The following GABRG3 variants were observed in gnomAD, a reference collection of about 807,000 sequenced individuals.
The protein encoded by GABRG3 is gamma-aminobutyric acid type A receptor subunit gamma3.
In GABRG3, 25 loss-of-function variants were observed where a neutral mutation model predicts 48.8. The observed-to-expected ratio is 0.51, with a 90% CI of 0.37 to 0.72. The LOEUF (loss-of-function observed/expected upper bound fraction) is 0.72, where lower values mean the gene tolerates loss of function less well. Among genes scored for constraint, GABRG3 ranks in the 30% least tolerant of loss-of-function variants. The pLI is 0.00. For missense variants in GABRG3, 394 were observed against 577.9 expected, an observed-to-expected ratio of 0.68 and a Z score of 3.26; for synonymous variants, 227 against 217.6, an observed-to-expected ratio of 1.04 and a Z score of -0.38.
At chr15:27,073,159 A>C (rs979160564) in intron 3 of GABRG3, among the ~76,000 whole-genome samples, 1 of 152,170 alleles carries the variant, frequency 6.6e-6, no homozygotes, top group Non-Finnish European at 1.5e-5. Context: ...CAGAGGCAGA[A>C]TCCTCTCTAG....
At chr15:27,479,400 C>T (rs146812320) in intron 5 of GABRG3, among the ~76,000 whole-genome samples, 2 of 152,252 alleles carry the variant, frequency 1.3e-5, no homozygotes, top group African/African-American at 4.8e-5. Flanking sequence ...GCTGTGTTGA[C>T]AATAATTTCA....
intron 3 of GABRG3, among the ~76,000 whole-genome samples, chr15:27,293,964 C>T (rs138057913): frequency 6.6e-6 from 1 of 152,164 alleles, no homozygotes; most frequent in African/African-American, 2.4e-5. Context: ...TATGTCTGTG[C>T]ATGTGACAAA....
chr15:27,446,237 T>G (rs1888941281), intron 5 of GABRG3, among the ~76,000 whole-genome samples: 1 of 152,224 alleles, frequency 6.6e-6, no homozygotes, highest in African/African-American at 2.4e-5. Context: ...TTGAGTAGTA[T>G]TATCATCTTA....
At chr15:27,512,174 T>C (rs1444836282) in intron 6 of GABRG3, among the ~76,000 whole-genome samples, 1 of 152,204 alleles carries the variant, frequency 6.6e-6, no homozygotes, top group Admixed American at 6.5e-5. Flanking sequence ...GAAAATAATC[T>C]GCAGAAGGAC....
Position 26,976,446 on chromosome 15 carries a change from G to A in GABRG3, c.54-556G>A, listed in dbSNP as rs918617974. ...TGTCCTTGCCTCCAATCTGAGTGCCGGCAAAGCAGACCCCCTCACAATGCT... is the reference window on the plus strand; with the variant it reads ...TGTCCTTGCCTCCAATCTGAGTGCCAGCAAAGCAGACCCCCTCACAATGCT... On this transcript the variant is annotated intron_variant, in intron 1 of 9. Transcript: ENST00000615808. This position sits in a 1 kb window ranked among gnomAD's most constrained non-coding sequence, Gnocchi z 7.8. 7.9e-5 allele frequency among the ~76,000 whole-genome samples: 12 copies of A among 152,278 alleles called. No individual in the cohort carries two copies. The highest frequency in any genetic ancestry group is 5.2e-4 in the Admixed American group (8 of 15,298).
intron 3 of GABRG3, among the ~76,000 whole-genome samples, chr15:27,275,076 C>T (rs114092876): frequency 2.3e-3 from 356 of 152,190 alleles, no homozygotes; most frequent in African/African-American, 7.7e-3. Flanking sequence ...CAGCGTGCTG[C>T]CTGAGCATAG....
chr15:27,409,302 G>A (rs1025847280), intron 5 of GABRG3, among the ~76,000 whole-genome samples: 50 of 151,940 alleles, frequency 3.3e-4, no homozygotes, highest in African/African-American at 1.1e-3. Flanking sequence ...GGTTTGGTGC[G>A]GGGGCTATGA....
rs75177641 is a variant in GABRG3 at position 27,057,956 on chromosome 15, G to A, written c.270+31135G>A. The stretch of plus-strand genomic sequence containing the variant: ...GCCTCTGCAACCGGGCTTCTTACAG[G>A]ACATGAGTGCATTCTCCATCCACTG... On this transcript the variant is annotated intron_variant, in intron 3 of 9. Coordinates refer to ENST00000615808, the MANE Select transcript of GABRG3 (RefSeq NM_033223.5). 8.4e-3 allele frequency among the ~76,000 whole-genome samples: 1,279 copies of A among 152,230 alleles called. 46 individuals are homozygous for A. The East Asian group carries it at 0.1, about 12-fold the overall frequency.
At chr15:27,139,613 T>A (rs1449177047) in intron 3 of GABRG3, among the ~76,000 whole-genome samples, 4 of 141,990 alleles carry the variant, frequency 2.8e-5, no homozygotes, top group Non-Finnish European at 5.9e-5. Context: ...TTTTCTGAAA[T>A]TTTTTCCCAG....
intron 3 of GABRG3, among the ~76,000 whole-genome samples, chr15:27,089,086 C>T (rs1024032369): frequency 1.3e-5 from 2 of 152,118 alleles, no homozygotes; most frequent in Non-Finnish European, 1.5e-5. Context: ...AATGACCAGG[C>T]ACATCCTCTG....
chr15:27,410,419 T>G (rs1271756580), intron 5 of GABRG3, among the ~76,000 whole-genome samples: 4 of 152,224 alleles, frequency 2.6e-5, no homozygotes, highest in African/African-American at 9.6e-5. Context: ...GTGGGAACTA[T>G]TTCATCCTTA....
At chr15:27,114,107 A>G (rs929126096) in intron 3 of GABRG3, among the ~76,000 whole-genome samples, 3 of 152,208 alleles carry the variant, frequency 2.0e-5, no homozygotes, top group Non-Finnish European at 4.4e-5. Context: ...TATACTTTCA[A>G]TAGTTTTTAA....
At chr15:27,033,179 T>C (rs959446277) in intron 3 of GABRG3, among the ~76,000 whole-genome samples, 3 of 151,912 alleles carry the variant, frequency 2.0e-5, no homozygotes, top group African/African-American at 7.3e-5. Flanking sequence ...CTCTCCCGGG[T>C]TCTTTATTCT....
chr15:27,365,775 C>A (rs552217226), intron 5 of GABRG3: 2 of 152,240 alleles, frequency 1.3e-5, no homozygotes, highest in South Asian at 4.1e-4. Flanking sequence ...AAATAAAGAA[C>A]CAGAGTACAA....
At chr15:27,031,456 T>C (rs570396038) in intron 3 of GABRG3, among the ~76,000 whole-genome samples, 1 of 152,174 alleles carries the variant, frequency 6.6e-6, no homozygotes, top group Non-Finnish European at 1.5e-5. Context: ...TCCTTCGTTT[T>C]AAAAAGTACT....
At chr15:26,989,124 C>G (rs140142224) in intron 2 of GABRG3, among the ~76,000 whole-genome samples, 3 of 152,140 alleles carry the variant, frequency 2.0e-5, no homozygotes, top group Non-Finnish European at 4.4e-5. Context: ...TAATTTCCAT[C>G]ACTATGAATT....
chr15:27,332,924 A>G (rs1219440043), intron 5 of GABRG3, among the ~76,000 whole-genome samples: 2 of 152,192 alleles, frequency 1.3e-5, no homozygotes, highest in African/African-American at 4.8e-5. Flanking sequence ...TTAATTAAAA[A>G]TTTCCTATAG....
intron 5 of GABRG3, among the ~76,000 whole-genome samples, chr15:27,448,217 A>G (rs2140639077): frequency 6.6e-6 from 1 of 152,302 alleles, no homozygotes; most frequent in Middle Eastern, 3.4e-3. Flanking sequence ...TAGTGAAGGA[A>G]AGACGATTTT....
At chr15:27,089,836 A>G (rs1046851436) in intron 3 of GABRG3, among the ~76,000 whole-genome samples, 5 of 152,184 alleles carry the variant, frequency 3.3e-5, no homozygotes, top group African/African-American at 7.2e-5. Context: ...ACTCAGCATC[A>G]TGTTTTCAAG....
Sources: gnomAD v4.1 joint callset for allele counts (sites outside exome capture counted in the v4.1 genomes callset) on GRCh38, gnomAD v4.1.1 for gene constraint, Gnocchi (gnomAD v3.1) non-coding constraint, MANE v1.5 for transcripts, NCBI Gene and HGNC (gene_info 2026-07-23, HGNC 2026-07-21) for gene names.